The following KIRREL3 variants were observed in gnomAD, a reference collection of about 807,000 sequenced individuals.
KIRREL3 encodes kin of IRRE-like protein 3.
A neutral mutation model predicts 89.7 loss-of-function variants in KIRREL3; 36 were observed. The ratio of observed to expected loss-of-function variants is 0.40; its 90% confidence interval spans 0.31 to 0.53. The LOEUF (loss-of-function observed/expected upper bound fraction) is 0.53. Ranked by LOEUF, KIRREL3 falls within the 20% of genes least tolerant of loss-of-function variation. The pLI is 0.49. For synonymous variants in KIRREL3, 445 were observed against 441.4 expected (o/e 1.01, Z -0.10); for missense variants, 864 against 1,056.6 (o/e 0.82, Z 2.53).
At chr11:126,745,774 T>A (rs1949129344) in intron 1 of KIRREL3, among the ~76,000 whole-genome samples, 1 of 152,216 alleles carries the variant, frequency 6.6e-6, no homozygotes. Context: ...AAATGTGGGT[T>A]TCCATAACTT....
At chr11:126,840,428 G>C (rs1592205863) in intron 1 of KIRREL3, among the ~76,000 whole-genome samples, 1 of 152,146 alleles carries the variant, frequency 6.6e-6, no homozygotes, top group South Asian at 2.1e-4. Context: ...CTGAGAATCT[G>C]AGTTGAAAGG....
At chr11:126,478,781 G>A (rs569804670) in intron 4 of KIRREL3, among the ~76,000 whole-genome samples, 1 of 152,240 alleles carries the variant, frequency 6.6e-6, no homozygotes, top group East Asian at 1.9e-4. Context: ...ATGTGTGTTT[G>A]TGTGTGTGCA....
rs1565553386 is a variant in KIRREL3 at position 126,562,670 on chromosome 11, C to G, written c.133+165G>C. ...GTGTTTCAGGCATTCACTATGCTTC[C>G]CCATGTGATTGTACAAATGGCTTCA... On this transcript the variant is annotated intron_variant, in intron 2 of 16. Transcript: ENST00000525144. This position sits in a 1 kb window ranked among gnomAD's most constrained non-coding sequence, Gnocchi z 4.7. 2.6e-5 allele frequency among the ~76,000 whole-genome samples: 4 copies of G among 152,114 alleles called. No homozygotes were observed. The highest frequency in any genetic ancestry group is 2.0e-4 in the Admixed American group (3 of 15,268).
Position 126,652,394 on chromosome 11 carries a change from C to T in KIRREL3, c.56-89482G>A, listed in dbSNP as rs780206664. 9.2e-5 allele frequency among the ~76,000 whole-genome samples: 14 copies of T among 152,250 alleles called. No individual in the cohort carries two copies. The highest frequency in any genetic ancestry group is 1.9e-4 in the East Asian group (1 of 5,176). The stretch of plus-strand genomic sequence containing the variant: ...GGCCAAGCCTGCCTAGGGAGTCTAT[C>T]GTGGTAGGAACAAGAGCTACCATGC... On this transcript the variant is annotated intron_variant, in intron 1 of 16. Coordinates refer to ENST00000525144, the MANE Select transcript of KIRREL3 (RefSeq NM_032531.4). This position sits in a 1 kb window ranked among gnomAD's most constrained non-coding sequence, Gnocchi z 4.9.
chr11:126,789,624 C>T (rs1950577936), intron 1 of KIRREL3, among the ~76,000 whole-genome samples: 1 of 152,194 alleles, frequency 6.6e-6, no homozygotes, highest in African/African-American at 2.4e-5. Flanking sequence ...TCTCAAACTG[C>T]CAAATCTTGA....
At chr11:126,504,543 A>G (rs947007581) in intron 4 of KIRREL3, among the ~76,000 whole-genome samples, 1 of 152,236 alleles carries the variant, frequency 6.6e-6, no homozygotes, top group Non-Finnish European at 1.5e-5. Flanking sequence ...AAATCTTCCC[A>G]TAAAGAAAGC....
intron 1 of KIRREL3, chr11:126,681,790 T>A: frequency 2.4e-6 from 1 of 422,906 alleles, no homozygotes; most frequent in South Asian, 1.7e-5. Context: ...CAGGGTTCTA[T>A]GAGGCTGAAA....
intron 1 of KIRREL3, among the ~76,000 whole-genome samples, chr11:126,679,529 C>A (rs1206791595): frequency 3.3e-5 from 5 of 152,088 alleles, no homozygotes; most frequent in African/African-American, 1.2e-4. Flanking sequence ...CACACCTATT[C>A]CAGGAAAGAG....
rs139404556 is a variant in KIRREL3, at chr11:126,570,012, A to T, written c.56-7100T>A. The stretch of plus-strand genomic sequence containing the variant: ...CAGGCAATAATAATGCCCATACATC[A>T]TGCAAAGATCATAATTTTCTGATCA... On this transcript the variant is annotated intron_variant, in intron 1 of 16. Transcript: ENST00000525144. This position sits in a 1 kb window ranked among gnomAD's most constrained non-coding sequence, Gnocchi z 6.1. Among the ~76,000 whole-genome samples the T allele has an allele frequency of 6.3e-3, 962 of 152,274 alleles. 6 individuals carry two copies. The highest frequency in any genetic ancestry group is 0.022 in the African/African-American group (912 of 41,550).
chr11:126,512,638 G>A (rs1958260925), intron 4 of KIRREL3, among the ~76,000 whole-genome samples: 1 of 152,204 alleles, frequency 6.6e-6, no homozygotes, highest in South Asian at 2.1e-4. Context: ...ATGTCAAATG[G>A]CAGACACCCG....
intron 1 of KIRREL3, among the ~76,000 whole-genome samples, chr11:126,888,862 T>G (rs1212055432): frequency 6.6e-6 from 1 of 152,180 alleles, no homozygotes; most frequent in Non-Finnish European, 1.5e-5. Flanking sequence ...TATACACACC[T>G]GGATTGCTGG....
chr11:126,749,782 G>A (rs1949277593), intron 1 of KIRREL3, among the ~76,000 whole-genome samples: 1 of 152,092 alleles, frequency 6.6e-6, no homozygotes, highest in South Asian at 2.1e-4. Flanking sequence ...TTTCATAACC[G>A]GACCCTCAAC....
rs183134967 is a variant in KIRREL3, at chr11:126,715,532, C to T, written c.56-152620G>A. Among the ~76,000 whole-genome samples, 372 of 152,188 alleles carry T rather than the reference C, an allele frequency of 2.4e-3. 2 individuals are homozygous for T. The highest frequency in any genetic ancestry group is 8.6e-3 in the African/African-American group (355 of 41,516). On this transcript the variant is annotated intron_variant, in intron 1 of 16. Coordinates refer to ENST00000525144, the MANE Select transcript of KIRREL3 (RefSeq NM_032531.4). The surrounding 1 kb of genome is among the most constrained non-coding windows in gnomAD (Gnocchi z 4.4). ...ATGGCTCCAAATGAAGATGAAAAAG[C>T]TTTTACAGTGACAGGGAAGAAATAT...
intron 4 of KIRREL3, among the ~76,000 whole-genome samples, chr11:126,493,674 A>AAG (rs1555123190): frequency 3.3e-5 from 5 of 150,918 alleles, no homozygotes; most frequent in South Asian, 2.1e-4. Context: ...AAAAAAAAAA[A>AAG]AGAGAGAATT....
chr11:126,944,408 G>A (rs533304000), intron 1 of KIRREL3: 12 of 152,254 alleles, frequency 7.9e-5, no homozygotes, highest in Admixed American at 5.9e-4. Flanking sequence ...GCCAGGCCAG[G>A]GCACTTTGTC....
At chr11:126,962,831 C>T (rs147011534) in intron 1 of KIRREL3, among the ~76,000 whole-genome samples, 94 of 152,260 alleles carry the variant, frequency 6.2e-4, no homozygotes, top group African/African-American at 1.9e-3. Context: ...CCACCCTGAT[C>T]AGTCAGCAGT....
chr11:126,792,344 G>T (rs899364166), intron 1 of KIRREL3, among the ~76,000 whole-genome samples: 9 of 152,274 alleles, frequency 5.9e-5, no homozygotes, highest in Middle Eastern at 3.4e-3. Context: ...TATGAGATAG[G>T]TCCTATTATT....
chr11:126,693,184 G>A (rs1591971237), intron 1 of KIRREL3, among the ~76,000 whole-genome samples: 3 of 152,298 alleles, frequency 2.0e-5, no homozygotes, highest in South Asian at 2.1e-4. Flanking sequence ...TTTGGGAGGC[G>A]AAGGCAGGCA....
chr11:126,971,714 A>C (rs1443246149), intron 1 of KIRREL3, among the ~76,000 whole-genome samples: 1 of 152,196 alleles, frequency 6.6e-6, no homozygotes, highest in Admixed American at 6.5e-5. Flanking sequence ...CCAAATTAGC[A>C]AAGGGCATCG....
Sources: gnomAD v4.1 joint callset for allele counts (sites outside exome capture counted in the v4.1 genomes callset) on GRCh38, gnomAD v4.1.1 for gene constraint, Gnocchi (gnomAD v3.1) non-coding constraint, MANE v1.5 for transcripts, NCBI Gene and HGNC (gene_info 2026-07-23, HGNC 2026-07-21) for gene names.